SEC16B: variants seen among roughly 807,000 people sequenced by gnomAD.
SEC16B encodes the protein SEC16 homolog B, endoplasmic reticulum export factor, also known as protein transport protein Sec16B.
A neutral mutation model predicts 141.8 loss-of-function variants in SEC16B; 115 were observed. The ratio of observed to expected loss-of-function variants is 0.81; its 90% CI spans 0.70 to 0.95. The LOEUF is 0.95. Ranked by LOEUF, SEC16B falls within the 40% of genes least tolerant of loss-of-function variation. The pLI, the probability that SEC16B is intolerant of heterozygous loss-of-function variation, is 0.00. For missense variants in SEC16B, 1,291 were observed against 1,312.3 expected (o/e 0.98, Z 0.25); for synonymous variants, 493 against 492.5 (o/e 1.00, Z -0.01).
intron 1 of SEC16B, 127 bp from the exon 2 acceptor site, chr1:177,968,166 C>T (rs975417877): frequency 7.7e-5 from 39 of 508,878 alleles, no homozygotes; most frequent in Non-Finnish European, 1.1e-4. Context: ...CATATGGTCA[C>T]GGATACAGAG....
intron 11 of SEC16B, among the ~76,000 whole-genome samples, 198 bp downstream of exon 11, chr1:177,954,081 C>A (rs1452759607): frequency 6.6e-6 from 1 of 152,144 alleles, no homozygotes; most frequent in Non-Finnish European, 1.5e-5. Context: ...AATTTTTTAT[C>A]CAATTTAGCA....
Position 177,932,512 on chromosome 1 carries a change from A to G in SEC16B, c.2990T>C (p.Val997Ala). The change falls in exon 24 of 26, where the codon GTT becomes GCT. Residue 997 changes from valine to alanine, a missense_variant. By Grantham distance (64) the Val-to-Ala change is moderately conservative. Transcript: ENST00000308284. ...TACCTCTGGTCCAGACAAGCCTCCA[A>G]CCCCAGCGCCCGCAGCTGCTCCCCC... ...SSGGAAAGAG[V>A]GGLSGPESVS... is the part of the protein sequence containing the mutation. The G allele has an allele frequency of 1.3e-6, 2 of 1,550,682 alleles. No individual in the cohort carries two copies. Among genetic ancestry groups the G allele is most frequent in the Non-Finnish European group, 1.7e-6 (2 of 1,147,514 alleles).
chr1:177,960,802 G>A lies in SEC16B; in HGVS notation c.925C>T (p.His309Tyr). 2.5e-6 allele frequency: 4 copies of A among 1,611,686 alleles called. No homozygotes were observed. Among genetic ancestry groups the A allele is most frequent in the Non-Finnish European group, 3.4e-6 (4 of 1,178,822 alleles). ...TGGGTCTTCTTTACCTCCATGCTGTGCAGTTCAACAAGGGCTGCTTGCCCG... is the reference window on the plus strand; with the variant it reads ...TGGGTCTTCTTTACCTCCATGCTGTACAGTTCAACAAGGGCTGCTTGCCCG... ...TDGQAALVELHSMEVILNDSE... is the reference protein window; with the variant it reads ...TDGQAALVELYSMEVILNDSE... The change falls in exon 7 of 26, where the codon CAC becomes TAC. Residue 309 changes from histidine to tyrosine, a missense_variant. By Grantham distance (83) the His-to-Tyr change is moderately conservative. Coordinates refer to ENST00000308284, the MANE Select transcript of SEC16B (RefSeq NM_033127.4).
chr1:177,977,619 C>T (rs531439162), intron 1 of SEC16B, among the ~76,000 whole-genome samples: 10 of 152,248 alleles, frequency 6.6e-5, no homozygotes, highest in Non-Finnish European at 8.8e-5. Flanking sequence ...ACATGGGACT[C>T]GGACTCTCAT....
chr1:177,965,002 A>G (rs1441150806), intron 4 of SEC16B, 45 bp downstream of exon 4: 11 of 1,605,850 alleles, frequency 6.8e-6, no homozygotes, highest in Non-Finnish European at 8.5e-6. Context: ...ACATAGTCTG[A>G]GTTTGACAAC....
chr1:177,932,352 G>T, intron 24 of SEC16B, 138 bp downstream of exon 24: 1 of 602,740 alleles, frequency 1.7e-6, no homozygotes, highest in South Asian at 2.8e-5. Flanking sequence ...ACTTTGTTAT[G>T]ACAGCCTGAG....
chr1:177,936,214 C>T, intron 20 of SEC16B, 84 bp downstream of exon 20: 1 of 1,052,456 alleles, frequency 9.5e-7, no homozygotes, highest in Non-Finnish European at 1.4e-6. Flanking sequence ...GAGGAGCTTG[C>T]ATGTGGCTGG....
chr1:177,941,119 C>T (rs1651240051), intron 16 of SEC16B, among the ~76,000 whole-genome samples: 1 of 152,204 alleles, frequency 6.6e-6, no homozygotes, highest in African/African-American at 2.4e-5. Context: ...TAAGAGTCTG[C>T]ACTTTTAACC....
chr1:177,968,253 A>G (rs917651566), intron 1 of SEC16B, among the ~76,000 whole-genome samples: 1 of 152,236 alleles, frequency 6.6e-6, no homozygotes, highest in Non-Finnish European at 1.5e-5. Context: ...TAAAAAATTA[A>G]AAAGTACATG....
chr1:177,929,603 G>A lies in SEC16B; in HGVS notation c.*255C>T. The stretch of plus-strand genomic sequence containing the variant: ...GCCACCACCATGTCACTCTGCTCAT[G>A]TGCAGTCTGCTATTAGACCCAGACT... On this transcript the variant is annotated 3_prime_UTR_variant, in exon 26 of 26. Coordinates refer to ENST00000308284, the MANE Select transcript of SEC16B (RefSeq NM_033127.4). The A allele has an allele frequency of 4.0e-6, 2 of 494,776 alleles. No homozygotes were observed. Among genetic ancestry groups the A allele is most frequent in the Non-Finnish European group, 7.4e-6 (2 of 271,304 alleles). 30.6% of individuals were successfully genotyped at this position (494,776 alleles called of 1,614,324 possible).
intron 16 of SEC16B, 103 bp downstream of exon 16, chr1:177,941,797 G>T (rs1034617637): frequency 7.4e-7 from 1 of 1,344,842 alleles, no homozygotes; most frequent in Non-Finnish European, 1.0e-6. Flanking sequence ...CAATTTTATG[G>T]CATGTTCAAA....
upstream of SEC16B, among the ~76,000 whole-genome samples, chr1:177,974,675 C>A (rs898481652): frequency 6.6e-6 from 1 of 152,152 alleles, no homozygotes; most frequent in Non-Finnish European, 1.5e-5. Context: ...ACTTCTACAG[C>A]ATATGGAAAT....
rs201583110 is a variant in SEC16B, at chr1:177,958,359, T to C, written c.1138A>G (p.Met380Val). ...LVLLCRQNGS[M>V]VGSDIAELLM... is the part of the protein sequence containing the mutation. ...AGCTCAGCGATGTCAGACCCCACCATGGACTGTAAGGCAAAGAGGATCATC... is the reference window on the plus strand; with the variant it reads ...AGCTCAGCGATGTCAGACCCCACCACGGACTGTAAGGCAAAGAGGATCATC... The change falls in exon 10 of 26, where the codon ATG becomes GTG. Residue 380 changes from methionine (M) to valine (V), a missense_variant. This residue lies in a region of SEC16B where 681 missense variants were observed against 675.5 expected (regional missense o/e 1.01). Transcript: ENST00000308284. The C allele has an allele frequency of 2.2e-5, 35 of 1,584,966 alleles. No individual in the cohort carries two copies. Among genetic ancestry groups the C allele is most frequent in the Non-Finnish European group, 2.8e-5 (33 of 1,165,042 alleles).
At chr1:177,954,196 A>G in intron 11 of SEC16B, 83 bp downstream of exon 11, 1 of 994,462 alleles carries the variant, frequency 1.0e-6, no homozygotes, top group Non-Finnish European at 1.5e-6. Context: ...AGCGCGTCTG[A>G]CATTTCTCCA....
intron 1 of SEC16B, among the ~76,000 whole-genome samples, chr1:177,978,145 CT>C (rs1440778945): frequency 6.6e-5 from 10 of 152,210 alleles, no homozygotes; most frequent in African/African-American, 2.4e-4. Flanking sequence ...TCCAATGCCT[CT>C]GCTGATTAGC....
chr1:177,934,129 C>T (rs1389455960), intron 20 of SEC16B, among the ~76,000 whole-genome samples: 1 of 146,490 alleles, frequency 6.8e-6, no homozygotes, highest in Admixed American at 6.9e-5. Flanking sequence ...CATCCCTTTA[C>T]ATTAACTTTT....
At chr1:177,982,685 T>C (rs1654470647) in intron 1 of SEC16B, among the ~76,000 whole-genome samples, 1 of 152,216 alleles carries the variant, frequency 6.6e-6, no homozygotes, top group Admixed American at 6.5e-5. Context: ...GTGGGTATTT[T>C]CTGTTCTACT....
At chr1:177,940,150 C>A (rs766969647) in intron 17 of SEC16B, among the ~76,000 whole-genome samples, 3 of 152,304 alleles carry the variant, frequency 2.0e-5, no homozygotes, top group South Asian at 4.1e-4. Context: ...AGGCCCTGTT[C>A]CAATTACTGT....
intron 21 of SEC16B, 78 bp from the exon 22 acceptor site, chr1:177,933,390 ACCATCAGAGC>A: frequency 6.4e-7 from 1 of 1,559,952 alleles, no homozygotes; most frequent in South Asian, 1.2e-5. Flanking sequence ...CCCCCATGTA[ACCATCAGAGC>A]CCAGACTTCC....
Sources: gnomAD v4.1 joint callset for allele counts (sites outside exome capture counted in the v4.1 genomes callset) on GRCh38, gnomAD v4.1.1 for gene constraint, gnomAD v4.1.1 regional missense constraint, MANE v1.5 for transcripts, NCBI Gene and HGNC (gene_info 2026-07-23, HGNC 2026-07-21) for gene names.